Variants in KIF18A observed in about 807,000 individuals in gnomAD.
KIF18A encodes the protein kinesin-like protein KIF18A.
In KIF18A, 67 loss-of-function variants were observed where a neutral mutation model predicts 103.3. That is an observed-to-expected ratio of 0.65 (90% CI 0.53 to 0.79). The LOEUF (loss-of-function observed/expected upper bound fraction) is 0.79, where lower values mean the gene tolerates loss of function less well. KIF18A is among the 30% of genes least tolerant of loss of function. KIF18A has a pLI of 0.00. For missense variants in KIF18A, 1,032 were observed against 1,062.5 expected (o/e 0.97, Z 0.40); for synonymous variants, 367 against 355.5 (o/e 1.03, Z -0.36).
chr11:28,027,969 C>G (rs899499944), intron 15 of KIF18A, among the ~76,000 whole-genome samples: 8 of 151,892 alleles, frequency 5.3e-5, no homozygotes, highest in Admixed American at 5.3e-4. Flanking sequence ...CAAACTGAAT[C>G]CAATAACAAA....
intron 2 of KIF18A, among the ~76,000 whole-genome samples, chr11:28,095,690 T>A (rs901336392): frequency 6.6e-6 from 1 of 152,164 alleles, no homozygotes; most frequent in African/African-American, 2.4e-5. Context: ...AAGAAAGTCA[T>A]GTGAATTTCT....
rs1259174567 is a variant in KIF18A at position 28,083,196 on chromosome 11, T to A, written c.1122A>T (p.Val374=). Residue 374 remains valine, a synonymous_variant, in exon 8 of 17, where the codon GTA becomes GTT. Coordinates refer to ENST00000263181, the MANE Select transcript of KIF18A (RefSeq NM_031217.4). The part of the protein sequence containing the change: ...LNVNNHITQY[V]KICNEQKAEI... ...CTGCCTTCTGCTCATTACAGATCTTTACATATTGAGTTATATGATTATTGA... is the reference window on the plus strand; with the variant it reads ...CTGCCTTCTGCTCATTACAGATCTTAACATATTGAGTTATATGATTATTGA... 5 of 1,569,410 alleles carry A rather than the reference T, an allele frequency of 3.2e-6. No homozygotes were observed. The African/African-American group carries it at 4.2e-5, about 13-fold the overall frequency.
chr11:28,077,572 T>TTAGCA (rs1851110402), intron 9 of KIF18A, among the ~76,000 whole-genome samples: 1 of 152,212 alleles, frequency 6.6e-6, no homozygotes, highest in Non-Finnish European at 1.5e-5. Flanking sequence ...AAGGCCCTAT[T>TTAGCA]AGCAACACAG....
At chr11:28,082,280 G>A (rs1435997018) in intron 9 of KIF18A, among the ~76,000 whole-genome samples, 1 of 152,080 alleles carries the variant, frequency 6.6e-6, no homozygotes, top group African/African-American at 2.4e-5. Flanking sequence ...CTATCAAAGA[G>A]CATCACACAC....
chr11:28,057,698 C>G (rs1850799611), intron 13 of KIF18A, among the ~76,000 whole-genome samples: 1 of 151,806 alleles, frequency 6.6e-6, no homozygotes, highest in African/African-American at 2.4e-5. Context: ...TTTAACCTGG[C>G]AAATCAGCTT....
At chr11:28,024,077 A>G (rs1259792922) in intron 15 of KIF18A, among the ~76,000 whole-genome samples, 3 of 151,084 alleles carry the variant, frequency 2.0e-5, no homozygotes, top group Non-Finnish European at 4.4e-5. Flanking sequence ...GAATGTTATG[A>G]TTGTAGGTGT....
Position 28,076,991 on chromosome 11 carries a change from T to G in KIF18A, c.1425+16A>C. On this transcript the variant is annotated intron_variant, in intron 10 of 16. Coordinates refer to ENST00000263181, the MANE Select transcript of KIF18A (RefSeq NM_031217.4). ...TTTTATACTTTCTAAAATTTAATTATAAAATTGTTAATTACCTTTTCTACT... is the reference window on the plus strand; with the variant it reads ...TTTTATACTTTCTAAAATTTAATTAGAAAATTGTTAATTACCTTTTCTACT... 8.1e-7 allele frequency: 1 copy of G among 1,232,154 alleles called. No homozygotes were observed. Among genetic ancestry groups the G allele is most frequent in the Admixed American group, 3.1e-5 (1 of 32,372 alleles). The allele number at this position is 1,232,154 out of a possible 1,614,324, so 76.3% of individuals were successfully genotyped here.
intron 15 of KIF18A, among the ~76,000 whole-genome samples, chr11:28,024,211 A>AAAAG (rs1554968955): frequency 1.3e-5 from 2 of 150,646 alleles, no homozygotes; most frequent in Non-Finnish European, 3.0e-5. Context: ...AAAAAAAAAA[A>AAAAG]CTAAGCTCAT....
intron 6 of KIF18A, among the ~76,000 whole-genome samples, chr11:28,086,692 T>C (rs896815358): frequency 2.0e-5 from 3 of 152,216 alleles, no homozygotes; most frequent in South Asian, 4.1e-4. Context: ...GCTTCCACCA[T>C]AGCAGTCTTT....
At chr11:28,079,052 A>G (rs1429950670) in intron 9 of KIF18A, among the ~76,000 whole-genome samples, 1 of 152,068 alleles carries the variant, frequency 6.6e-6, no homozygotes, top group African/African-American at 2.4e-5. Flanking sequence ...TTGTTGGTCA[A>G]AAGTCAGGTT....
chr11:28,021,426 TAAC>T (rs1590654727), intron 16 of KIF18A, 144 bp from the exon 17 acceptor site: 2 of 755,864 alleles, frequency 2.6e-6, no homozygotes, highest in Non-Finnish European at 3.7e-6. Context: ...ATTTAAAATA[TAAC>T]AACAACAAAG....
At chr11:28,060,153 C>T (rs537525984) in intron 12 of KIF18A, among the ~76,000 whole-genome samples, 1 of 152,244 alleles carries the variant, frequency 6.6e-6, no homozygotes, top group Non-Finnish European at 1.5e-5. Context: ...GAAGAAATGT[C>T]ACAGCTAAAC....
chr11:28,101,768 G>T (rs576448497), intron 1 of KIF18A, among the ~76,000 whole-genome samples: 116 of 152,244 alleles, frequency 7.6e-4, no homozygotes, highest in East Asian at 6.8e-3. Context: ...TAGGGAAAAG[G>T]TTAACAGTGC....
chr11:28,104,914 T>C (rs1736902690), intron 1 of KIF18A, among the ~76,000 whole-genome samples: 1 of 152,192 alleles, frequency 6.6e-6, no homozygotes, highest in Non-Finnish European at 1.5e-5. Context: ...CCACTTTCCC[T>C]ATAGAAGGGA....
intron 6 of KIF18A, among the ~76,000 whole-genome samples, chr11:28,086,978 T>TA (rs901521967): frequency 1.6e-4 from 24 of 149,428 alleles, no homozygotes; most frequent in East Asian, 5.8e-4. Flanking sequence ...TGCCTTTTTT[T>TA]AAAAAAAAAA....
At chr11:28,083,682 C>A (rs1239746945) in intron 7 of KIF18A, among the ~76,000 whole-genome samples, 1 of 152,020 alleles carries the variant, frequency 6.6e-6, no homozygotes, top group Non-Finnish European at 1.5e-5. Flanking sequence ...GATATTGAGA[C>A]CTTGCCTACT....
At chr11:28,069,671 G>A (rs976271550) in intron 10 of KIF18A, among the ~76,000 whole-genome samples, 1 of 151,502 alleles carries the variant, frequency 6.6e-6, no homozygotes. Context: ...GAAATACAAC[G>A]ACCAAATCAA....
chr11:28,062,478 G>C lies in KIF18A; in HGVS notation c.1629C>G (p.Leu543=), dbSNP rs1488639314. ...TTTGTGCTTTCAAATCTTTGTTCTG[G>C]AGGTGCAAATGGTGACAATGAAGAT... ...KKDLHCHHLH[L]QNKDLKAQIR... Residue 543 remains leucine, a synonymous_variant, in exon 12 of 17, where the codon CTC becomes CTG. Coordinates refer to ENST00000263181, the MANE Select transcript of KIF18A (RefSeq NM_031217.4). 6.2e-7 allele frequency: 1 copy of C among 1,611,586 alleles called. No individual in the cohort carries two copies.
At chr11:28,074,132 G>A (rs148143053) in intron 10 of KIF18A, among the ~76,000 whole-genome samples, 1 of 151,968 alleles carries the variant, frequency 6.6e-6, no homozygotes, top group Non-Finnish European at 1.5e-5. Context: ...GAGTTGTGGA[G>A]TGAGACCTTA....
Sources: gnomAD v4.1 joint callset for allele counts (sites outside exome capture counted in the v4.1 genomes callset) on GRCh38, gnomAD v4.1.1 for gene constraint, MANE v1.5 for transcripts, NCBI Gene and HGNC (gene_info 2026-07-23, HGNC 2026-07-21) for gene names.